The following SLC9B1 variants were observed in gnomAD, a reference collection of about 807,000 sequenced individuals.
SLC9B1 encodes the protein solute carrier family 9 member B1, also known as sodium/hydrogen exchanger 9B1.
In SLC9B1, 32 loss-of-function variants were observed where a neutral mutation model predicts 51.7. The ratio of observed to expected loss-of-function variants is 0.62; its 90% CI spans 0.47 to 0.83. The LOEUF (loss-of-function observed/expected upper bound fraction) is 0.83, where lower values mean the gene tolerates loss of function less well. Ranked by LOEUF, SLC9B1 falls within the 40% of genes least tolerant of loss-of-function variation. The pLI, the probability that SLC9B1 is intolerant of heterozygous loss-of-function variation, is 0.00. For synonymous variants in SLC9B1, 145 were observed against 212.7 expected (o/e 0.68, Z 2.77); for missense variants, 406 against 613.2 (o/e 0.66, Z 3.57).
chr4:102,978,197 C>T (rs2110507064), intron 3 of SLC9B1, among the ~76,000 whole-genome samples: 1 of 152,218 alleles, frequency 6.6e-6, no homozygotes, highest in Admixed American at 6.5e-5. Context: ...TTTTCTTAAT[C>T]CAGTCTATCA....
At position 103,006,682 on chromosome 4, in the gene SLC9B1, C is replaced by A. The variant is rs535927011; in HGVS notation, c.-2+12917G>T. Among the ~76,000 whole-genome samples the A allele has an allele frequency of 2.6e-5, 4 of 152,016 alleles. No homozygotes were observed. In the East Asian group the frequency reaches 7.7e-4, roughly 29 times the overall value. ...CTGATACCCAAACCTGGCAGAGACACAATAAAAAAGAAAAAGGCCAATATC... is the reference window on the plus strand; with the variant it reads ...CTGATACCCAAACCTGGCAGAGACAAAATAAAAAAGAAAAAGGCCAATATC... On this transcript the variant is annotated intron_variant, in intron 1 of 11. Coordinates refer to ENST00000296422, the MANE Select transcript of SLC9B1 (RefSeq NM_139173.4).
chr4:103,004,673 G>A (rs1578415009), intron 1 of SLC9B1, among the ~76,000 whole-genome samples: 1 of 152,140 alleles, frequency 6.6e-6, no homozygotes, highest in South Asian at 2.1e-4. Context: ...AAGCATTAAA[G>A]GCAGCTAGAG....
In SLC9B1 at chr4:102,931,328, A is replaced by AGGAAGAAG. The variant is rs1159929444; in HGVS notation, c.829+788_829+795dup. ...GAAGGGAAGGGGAAAGGAAAGGGAA[A>AGGAAGAAG]GGAAGAAGGGAAGAAGGGAAGGGAA... On this transcript the variant is annotated intron_variant, in intron 7 of 11. Transcript: ENST00000296422. Among the ~76,000 whole-genome samples the AGGAAGAAG allele has an allele frequency of 9.0e-4, 136 of 151,556 alleles. 2 individuals are homozygous for AGGAAGAAG. Among genetic ancestry groups the AGGAAGAAG allele is most frequent in the Non-Finnish European group, 1.0e-3 (69 of 67,988 alleles).
chr4:102,962,375 T>C (rs1738182763), intron 3 of SLC9B1: 1 of 538,398 alleles, frequency 1.9e-6, no homozygotes, highest in South Asian at 1.4e-5. Flanking sequence ...CAAGTGGTTT[T>C]TAAATATCTT....
intron 11 of SLC9B1, chr4:102,889,447 GTTTTCACACA>G (rs1396665186): frequency 6.6e-6 from 1 of 152,142 alleles, no homozygotes; most frequent in African/African-American, 2.4e-5. Flanking sequence ...ACAGCAACTT[GTTTTCACACA>G]TGTTCTAGTG....
chr4:103,006,355 ATT>A (rs1417080450), intron 1 of SLC9B1, among the ~76,000 whole-genome samples: 5 of 152,110 alleles, frequency 3.3e-5, no homozygotes, highest in Non-Finnish European at 7.4e-5. Flanking sequence ...TCCTCAGACT[ATT>A]ATGAACACCT....
chr4:102,902,452 T>A (rs532463050), intron 11 of SLC9B1, among the ~76,000 whole-genome samples: 1 of 152,248 alleles, frequency 6.6e-6, no homozygotes, highest in East Asian at 1.9e-4. Flanking sequence ...GAGAAAAAGA[T>A]AATCATGCAG....
chr4:102,930,225 C>G (rs965345400), intron 7 of SLC9B1, among the ~76,000 whole-genome samples: 17 of 152,068 alleles, frequency 1.1e-4, no homozygotes, highest in African/African-American at 3.9e-4. Flanking sequence ...GCTAGTATTA[C>G]CAAGTTTTGA....
intron 6 of SLC9B1, among the ~76,000 whole-genome samples, chr4:102,943,417 C>T (rs988435487): frequency 1.3e-5 from 2 of 151,748 alleles, no homozygotes; most frequent in East Asian, 3.9e-4. Context: ...GCAAAAAATA[C>T]GGAACTAGCT....
At chr4:102,910,077 A>T (rs1735266267) in intron 9 of SLC9B1, among the ~76,000 whole-genome samples, 2 of 152,124 alleles carry the variant, frequency 1.3e-5, no homozygotes, top group African/African-American at 4.8e-5. Context: ...CACCTCCCAA[A>T]GTTCTGGGAT....
At chr4:102,948,925 A>C (rs1293675927) in intron 4 of SLC9B1, among the ~76,000 whole-genome samples, 2 of 152,210 alleles carry the variant, frequency 1.3e-5, no homozygotes, top group Non-Finnish European at 2.9e-5. Context: ...CAATATATCC[A>C]TGTACCAAAC....
intron 6 of SLC9B1, among the ~76,000 whole-genome samples, chr4:102,943,506 T>TATATACACACACACACACACAC (rs1553982064): frequency 3.4e-5 from 5 of 145,484 alleles, no homozygotes; most frequent in African/African-American, 1.3e-4. Flanking sequence ...TGTGTATGTA[T>TATATACACACACACACACACAC]ACACACACAC....
chr4:103,003,846 C>A (rs1740652156), intron 1 of SLC9B1, among the ~76,000 whole-genome samples: 1 of 152,132 alleles, frequency 6.6e-6, no homozygotes, highest in Admixed American at 6.5e-5. Context: ...GAGCCTTGAC[C>A]CCTTAAAATC....
intron 6 of SLC9B1, among the ~76,000 whole-genome samples, chr4:102,941,910 A>G (rs1472189004): frequency 2.0e-5 from 3 of 152,142 alleles, no homozygotes; most frequent in Non-Finnish European, 1.5e-5. Flanking sequence ...AGAAAACCCT[A>G]AAGACTCATC....
chr4:102,975,729 T>C (rs1739037954), intron 3 of SLC9B1, among the ~76,000 whole-genome samples: 1 of 150,760 alleles, frequency 6.6e-6, no homozygotes, highest in Non-Finnish European at 1.5e-5. Flanking sequence ...CCATGATGTC[T>C]GGCTAATTTT....
Position 102,943,506 on chromosome 4 carries a change from T to TACACACACACACACACACACACACAC in SLC9B1, c.653+1661_653+1686dup, listed in dbSNP as rs373442152. On this transcript the variant is annotated intron_variant, in intron 6 of 11. Coordinates refer to ENST00000296422, the MANE Select transcript of SLC9B1 (RefSeq NM_139173.4). Reference sequence around the variant, plus strand: ...ATCTATGTGTATATATGTGTATGTATACACACACACACACACACACACACA... The same window carrying TACACACACACACACACACACACACAC: ...ATCTATGTGTATATATGTGTATGTATACACACACACACACACACACACACACACACACACACACACACACACACACA... Among the ~76,000 whole-genome samples, 5 of 145,592 alleles carry TACACACACACACACACACACACACAC rather than the reference T, an allele frequency of 3.4e-5. No individual in the cohort carries two copies. The South Asian group carries it at 6.6e-4, about 19-fold the overall frequency.
At chr4:102,926,632 T>C (rs1478972656) in intron 7 of SLC9B1, among the ~76,000 whole-genome samples, 1 of 152,194 alleles carries the variant, frequency 6.6e-6, no homozygotes, top group Non-Finnish European at 1.5e-5. Context: ...TCCATGCTCA[T>C]GGATAGGAAG....
At chr4:102,955,338 T>C (rs1737729894) in intron 3 of SLC9B1, among the ~76,000 whole-genome samples, 1 of 152,228 alleles carries the variant, frequency 6.6e-6, no homozygotes, top group East Asian at 1.9e-4. Context: ...CATCTGGAAC[T>C]ATAAGTCCAA....
At chr4:102,985,731 GC>G (rs904495354) in intron 3 of SLC9B1, among the ~76,000 whole-genome samples, 2 of 151,910 alleles carry the variant, frequency 1.3e-5, no homozygotes, top group Non-Finnish European at 1.5e-5. Context: ...CACCATGTTG[GC>G]CAGGTTGGTC....
Sources: gnomAD v4.1 joint callset for allele counts (sites outside exome capture counted in the v4.1 genomes callset) on GRCh38, gnomAD v4.1.1 for gene constraint, MANE v1.5 for transcripts, NCBI Gene and HGNC (gene_info 2026-07-23, HGNC 2026-07-21) for gene names.